Variants in COL28A1 observed in about 807,000 individuals in gnomAD.
The protein encoded by COL28A1 is collagen type XXVIII alpha 1 chain.
A neutral mutation model predicts 150.2 loss-of-function variants in COL28A1; 161 were observed. That is an observed-to-expected ratio of 1.07 (90% CI 0.94 to 1.22). COL28A1 has a LOEUF of 1.22. Ranked by LOEUF, COL28A1 falls within the 50% of genes most tolerant of loss-of-function variation. COL28A1 has a pLI of 0.00. For missense variants in COL28A1, 1,617 were observed against 1,388.3 expected, an observed-to-expected ratio of 1.16 and a Z score of -2.62; for synonymous variants, 552 against 469.7, an observed-to-expected ratio of 1.18 and a Z score of -2.26.
At chr7:7,536,350 G>C (rs905520675), upstream of COL28A1, among the ~76,000 whole-genome samples, 4 of 152,092 alleles carry the variant, frequency 2.6e-5, no homozygotes, top group Non-Finnish European at 5.9e-5. Flanking sequence ...AATATACAGG[G>C]AAAGAGTGGT....
chr7:7,450,911 T>C (rs754434478), intron 18 of COL28A1, among the ~76,000 whole-genome samples: 2 of 152,164 alleles, frequency 1.3e-5, no homozygotes, highest in Admixed American at 6.5e-5. Flanking sequence ...TATAAATATA[T>C]TGCAGAATGA....
chr7:7,411,631 G>A (rs983861124), intron 27 of COL28A1, among the ~76,000 whole-genome samples: 5 of 151,990 alleles, frequency 3.3e-5, no homozygotes, highest in African/African-American at 1.2e-4. Flanking sequence ...CTCATTCTCT[G>A]GCCCTGGCTT....
At chr7:7,438,008 C>T (rs774315351) in intron 21 of COL28A1, among the ~76,000 whole-genome samples, 5 of 151,406 alleles carry the variant, frequency 3.3e-5, no homozygotes, top group Admixed American at 2.0e-4. Flanking sequence ...CCGAGGCTGG[C>T]GGATCACTTG....
chr7:7,473,566 G>A lies in COL28A1; in HGVS notation c.1302+1035C>T, dbSNP rs544275393. Among the ~76,000 whole-genome samples, 3 of 152,254 alleles carry A rather than the reference G, an allele frequency of 2.0e-5. No individual in the cohort carries two copies. In the East Asian group the frequency reaches 5.8e-4, roughly 29 times the overall value. ...TGTTGGCACGGATGCAGTGAACAGG[G>A]AACACTTCTGCCTTGCTGGTGGGAA... On this transcript the variant is annotated intron_variant, in intron 15 of 34. Transcript: ENST00000399429.
At chr7:7,425,715 A>G (rs959201078) in intron 25 of COL28A1, among the ~76,000 whole-genome samples, 11 of 152,216 alleles carry the variant, frequency 7.2e-5, no homozygotes, top group Admixed American at 2.6e-4. Flanking sequence ...GATGTTTTAC[A>G]TACATTAGTC....
At chr7:7,353,408 A>G (rs114957617), downstream of COL28A1, among the ~76,000 whole-genome samples, 1 of 152,186 alleles carries the variant, frequency 6.6e-6, no homozygotes, top group Non-Finnish European at 1.5e-5. Context: ...ACACACAGGA[A>G]TATAACTATT....
Position 7,522,030 on chromosome 7 carries a change from T to C in COL28A1, c.703-69A>G, listed in dbSNP as rs775922488. On this transcript the variant is annotated intron_variant, in intron 4 of 34. Coordinates refer to ENST00000399429, the MANE Select transcript of COL28A1 (RefSeq NM_001037763.3). Reference sequence around the variant, plus strand: ...AAATTGTATGCAGCATTTCAAATTGTATTTCAAATACATTTCAAAGTGTAT... The same window carrying C: ...AAATTGTATGCAGCATTTCAAATTGCATTTCAAATACATTTCAAAGTGTAT... 4.9e-6 allele frequency: 4 copies of C among 814,130 alleles called. No homozygotes were observed. The Admixed American group carries it at 6.9e-5, about 14-fold the overall frequency. 50.4% of individuals were successfully genotyped at this position (814,130 alleles called of 1,614,324 possible). A position where few individuals can be genotyped will look rare whatever the true frequency, so the allele number is the denominator to read the frequency against.
Position 7,511,129 on chromosome 7 carries a change from G to A in COL28A1, c.889C>T (p.Arg297Cys), listed in dbSNP as rs147872427. 3.7e-5 allele frequency: 60 copies of A among 1,610,942 alleles called. No homozygotes were observed. The highest frequency in any genetic ancestry group is 2.3e-4 in the African/African-American group (17 of 74,790). ...IPGYKGDKGERGECGKPGIKG... is the reference protein window; with the variant it reads ...IPGYKGDKGECGECGKPGIKG... ...ATCCCTGGTTTACCACATTCCCCAC[G>A]TTCACCCTAAAAAATAAATAAGTGA... Residue 297 changes from arginine to cysteine, a missense_variant, in exon 9 of 35, where the codon CGT becomes TGT. Coordinates refer to ENST00000399429, the MANE Select transcript of COL28A1 (RefSeq NM_001037763.3).
At chr7:7,415,467 G>A (rs1003856362) in intron 27 of COL28A1, among the ~76,000 whole-genome samples, 2 of 152,224 alleles carry the variant, frequency 1.3e-5, no homozygotes, top group African/African-American at 2.4e-5. Flanking sequence ...AGTCCTGAGG[G>A]ACGAACCTCT....
intron 20 of COL28A1, among the ~76,000 whole-genome samples, chr7:7,442,121 T>C (rs1428536403): frequency 6.6e-6 from 1 of 152,182 alleles, no homozygotes. Context: ...TCTTCTCCAA[T>C]AGGCTTTCAT....
Position 7,453,467 on chromosome 7 carries a change from G to T in COL28A1, c.1413C>A (p.Pro471=). ...TGGAACCAGGTAAGCCCTGTCCTGC[G>T]GGCCCTTGTGGACCAGGTGGACCAA... ...GPIGPPGPQG[P]AGQGLPGSKG... is the part of the protein sequence containing the mutation. Residue 471 remains proline, a synonymous_variant, in exon 17 of 35, where the codon CCC becomes CCA. Transcript: ENST00000399429. 3 of 1,302,020 alleles carry T rather than the reference G, an allele frequency of 2.3e-6. No homozygotes were observed. The highest frequency in any genetic ancestry group is 3.3e-6 in the Non-Finnish European group (3 of 896,784). 80.7% of individuals were successfully genotyped at this position (1,302,020 alleles called of 1,614,324 possible).
chr7:7,377,360 C>T (rs1177910750), intron 30 of COL28A1, among the ~76,000 whole-genome samples: 1 of 152,120 alleles, frequency 6.6e-6, no homozygotes, highest in African/African-American at 2.4e-5. Flanking sequence ...ATTTATACCC[C>T]TCAAAGGATT....
intron 7 of COL28A1, among the ~76,000 whole-genome samples, chr7:7,516,498 C>T (rs1781421154): frequency 6.6e-6 from 1 of 152,202 alleles, no homozygotes; most frequent in African/African-American, 2.4e-5. Flanking sequence ...CATTGTGTCA[C>T]TGCCCATGGC....
the COL28A1 span, among the ~76,000 whole-genome samples, chr7:7,541,742 G>A: frequency 6.6e-6 from 1 of 152,258 alleles, no homozygotes. Context: ...GGAGACGAAC[G>A]AAAGAGTGAT....
chr7:7,374,038 A>AAAAAAAAAAAAAAAAAAATAT, intron 31 of COL28A1, among the ~76,000 whole-genome samples: 1 of 113,658 alleles, frequency 8.8e-6, no homozygotes, highest in African/African-American at 3.8e-5. Flanking sequence ...AAAAAAAAAA[A>AAAAAAAAAAAAAAAAAAATAT]ATATATATAT....
chr7:7,391,573 G>A (rs966613428), intron 27 of COL28A1, among the ~76,000 whole-genome samples: 33 of 152,108 alleles, frequency 2.2e-4, no homozygotes, highest in African/African-American at 8.0e-4. Context: ...TATTGACAGT[G>A]CTGTGTAAAA....
intron 21 of COL28A1, among the ~76,000 whole-genome samples, 160 bp downstream of exon 21, chr7:7,440,630 G>A (rs1222257583): frequency 6.6e-6 from 1 of 152,158 alleles, no homozygotes; most frequent in Non-Finnish European, 1.5e-5. Flanking sequence ...TGTGGTCTGG[G>A]AATAGTATGT....
chr7:7,483,704 T>C lies in COL28A1; in HGVS notation c.1164+5685A>G, dbSNP rs145647516. ...TAACTCACAATGAATAAAAGTAAAC[T>C]AACACAACGTAAACTTCCTCAAGAA... On this transcript the variant is annotated intron_variant, in intron 13 of 34. Transcript: ENST00000399429. Among the ~76,000 whole-genome samples the C allele has an allele frequency of 1.8e-3, 267 of 151,888 alleles. 2 individuals are homozygous for C. Among genetic ancestry groups the C allele is most frequent in the African/African-American group, 6.0e-3 (248 of 41,414 alleles).
chr7:7,537,074 T>C (rs74896803), upstream of COL28A1, among the ~76,000 whole-genome samples: 7,913 of 152,226 alleles, frequency 0.052, 200 homozygotes, highest in Middle Eastern at 0.11. Context: ...ATAATAAACA[T>C]TGAAATAAAT....
Sources: gnomAD v4.1 joint callset for allele counts (sites outside exome capture counted in the v4.1 genomes callset) on GRCh38, gnomAD v4.1.1 for gene constraint, MANE v1.5 for transcripts, NCBI Gene and HGNC (gene_info 2026-07-23, HGNC 2026-07-21) for gene names.